Variants in ZNF704 observed in about 807,000 individuals in gnomAD.
The protein encoded by ZNF704 is glucocorticoid induced gene 1.
In ZNF704, 10 loss-of-function variants were observed where a neutral mutation model predicts 44.7. That is an observed-to-expected ratio of 0.22 (90% CI 0.14 to 0.38). The LOEUF (loss-of-function observed/expected upper bound fraction) is 0.38. Among genes scored for constraint, ZNF704 ranks in the 10% least tolerant of loss-of-function variants. The pLI, the probability that ZNF704 is intolerant of heterozygous loss-of-function variation, is 1.00. For missense variants in ZNF704, 390 were observed against 545.5 expected, an observed-to-expected ratio of 0.71 and a Z score of 2.84; for synonymous variants, 211 against 207.6, an observed-to-expected ratio of 1.02 and a Z score of -0.14.
Position 80,693,133 on chromosome 8 carries a change from G to A in ZNF704, c.222-26C>T, listed in dbSNP as rs370199042. Reference sequence around the variant, plus strand: ...CTGTAAAACAGGAAGGGACACTGGTGACTGTTCACTCTGCATCTGCTGTGG... The same window carrying A: ...CTGTAAAACAGGAAGGGACACTGGTAACTGTTCACTCTGCATCTGCTGTGG... On this transcript the variant is annotated intron_variant, in intron 2 of 8. Transcript: ENST00000327835. The A allele has an allele frequency of 2.4e-5, 38 of 1,592,392 alleles. No homozygotes were observed. In the African/African-American group the frequency reaches 4.7e-4, roughly 20 times the overall value.
intron 2 of ZNF704, chr8:80,694,227 T>C (rs1339832204): frequency 1.2e-4 from 19 of 152,202 alleles, no homozygotes; most frequent in Admixed American, 1.2e-3. Flanking sequence ...ATAGTTACCA[T>C]GTTGTTAAAG....
chr8:80,857,421 T>G (rs979648969), intron 1 of ZNF704, among the ~76,000 whole-genome samples: 1 of 152,190 alleles, frequency 6.6e-6, no homozygotes. Context: ...TTTTAAATCA[T>G]GAATGAGTAT....
rs574977237 is a variant in ZNF704, at chr8:80,757,303, A to C, written c.221+64071T>G. On this transcript the variant is annotated intron_variant, in intron 2 of 8. Transcript: ENST00000327835. ...TAGGCCCAGGCTAATGTGTGTATTTATGTCTTAGTTTTCAGCAAAAAGGTT... is the reference window on the plus strand; with the variant it reads ...TAGGCCCAGGCTAATGTGTGTATTTCTGTCTTAGTTTTCAGCAAAAAGGTT... Among the ~76,000 whole-genome samples, 4 of 152,264 alleles carry C rather than the reference A, an allele frequency of 2.6e-5. No individual in the cohort carries two copies. In the Middle Eastern group the frequency reaches 0.01, roughly 388 times the overall value.
chr8:80,656,870 A>G (rs1234322845), intron 7 of ZNF704, among the ~76,000 whole-genome samples: 1 of 152,126 alleles, frequency 6.6e-6, no homozygotes, highest in Non-Finnish European at 1.5e-5. Flanking sequence ...TTTGAAAAGC[A>G]TTTTATCACA....
chr8:80,649,228 C>G (rs1817876951), intron 7 of ZNF704, among the ~76,000 whole-genome samples: 1 of 152,050 alleles, frequency 6.6e-6, no homozygotes, highest in African/African-American at 2.4e-5. Context: ...TCTACAGCTC[C>G]CAGCATGAGT....
At chr8:80,688,045 A>C (rs1249182811) in intron 3 of ZNF704, among the ~76,000 whole-genome samples, 1 of 152,084 alleles carries the variant, frequency 6.6e-6, no homozygotes, top group East Asian at 1.9e-4. Context: ...GTCTGTACAG[A>C]AAAAATGAAA....
At chr8:80,747,475 G>A (rs1806866959) in intron 2 of ZNF704, among the ~76,000 whole-genome samples, 1 of 152,146 alleles carries the variant, frequency 6.6e-6, no homozygotes, top group South Asian at 2.1e-4. Context: ...AAAAATGGAA[G>A]TAGGGAGTGG....
chr8:80,807,943 T>G (rs750670223), intron 2 of ZNF704, among the ~76,000 whole-genome samples: 2 of 152,224 alleles, frequency 1.3e-5, no homozygotes, highest in African/African-American at 4.8e-5. Flanking sequence ...ATTCTTGGTT[T>G]TCTCTATTCA....
intron 4 of ZNF704, among the ~76,000 whole-genome samples, chr8:80,677,425 G>A (rs1818385990): frequency 6.6e-6 from 1 of 152,066 alleles, no homozygotes; most frequent in Admixed American, 6.6e-5. Flanking sequence ...GTTACTTCAG[G>A]TAGATGATAC....
At chr8:80,864,880 T>C (rs1156996145) in intron 1 of ZNF704, among the ~76,000 whole-genome samples, 6 of 152,250 alleles carry the variant, frequency 3.9e-5, no homozygotes, top group African/African-American at 1.4e-4. Flanking sequence ...CCTACCCTTT[T>C]GGATAACAGC....
chr8:80,818,600 T>C (rs545125219), intron 2 of ZNF704, among the ~76,000 whole-genome samples: 55 of 152,276 alleles, frequency 3.6e-4, no homozygotes, highest in Non-Finnish European at 7.2e-4. Context: ...GACAAGAAAA[T>C]GTATCTGTAC....
intron 2 of ZNF704, among the ~76,000 whole-genome samples, chr8:80,697,776 T>A (rs1818748470): frequency 6.6e-6 from 1 of 152,224 alleles, no homozygotes; most frequent in Non-Finnish European, 1.5e-5. Context: ...CCTGACTACA[T>A]CCATAGCGTG....
At chr8:80,655,881 A>G (rs958532853) in intron 7 of ZNF704, among the ~76,000 whole-genome samples, 7 of 152,236 alleles carry the variant, frequency 4.6e-5, no homozygotes, top group African/African-American at 1.7e-4. Flanking sequence ...TCAGCTTTGG[A>G]GACCCTCCCC....
chr8:80,851,990 T>C (rs536345539), intron 1 of ZNF704, among the ~76,000 whole-genome samples: 2 of 152,306 alleles, frequency 1.3e-5, no homozygotes, highest in East Asian at 1.9e-4. Context: ...AAAAAGTCTG[T>C]GTTCCTTTAG....
intron 1 of ZNF704, among the ~76,000 whole-genome samples, chr8:80,855,985 T>C (rs1301538046): frequency 6.6e-6 from 1 of 152,162 alleles, no homozygotes; most frequent in African/African-American, 2.4e-5. Context: ...TGAGACAGGG[T>C]CTCACTTTGT....
intron 2 of ZNF704, among the ~76,000 whole-genome samples, chr8:80,758,898 C>T (rs1372789639): frequency 6.6e-6 from 1 of 152,040 alleles, no homozygotes; most frequent in East Asian, 1.9e-4. Flanking sequence ...GTAGTATTAT[C>T]CCCATTTTAC....
At chr8:80,788,673 C>T (rs745615211) in intron 2 of ZNF704, among the ~76,000 whole-genome samples, 8 of 152,238 alleles carry the variant, frequency 5.3e-5, no homozygotes, top group African/African-American at 1.4e-4. Flanking sequence ...TGAAGGAAGG[C>T]GGAGCATGAA....
At chr8:80,685,049 G>T (rs1179812365) in intron 4 of ZNF704, among the ~76,000 whole-genome samples, 5 of 151,908 alleles carry the variant, frequency 3.3e-5, no homozygotes, top group African/African-American at 4.8e-5. Context: ...CATAAAGAAA[G>T]AAGGATAAAC....
At chr8:80,876,933 C>T (rs1468362988), upstream of ZNF704, among the ~76,000 whole-genome samples, 1 of 152,092 alleles carries the variant, frequency 6.6e-6, no homozygotes, top group Non-Finnish European at 1.5e-5. Flanking sequence ...AAGCATGTAG[C>T]TTTTTGTGCC....
Sources: gnomAD v4.1 joint callset for allele counts (sites outside exome capture counted in the v4.1 genomes callset) on GRCh38, gnomAD v4.1.1 for gene constraint, MANE v1.5 for transcripts, NCBI Gene and HGNC (gene_info 2026-07-23, HGNC 2026-07-21) for gene names.